The following SPTB variants were observed in gnomAD, a reference collection of about 807,000 sequenced individuals.
SPTB encodes spectrin beta, erythrocytic, also known as spectrin beta chain, erythrocytic.
SPTB carries 45 observed loss-of-function variants against 256.2 expected under a neutral mutation model. The ratio of observed to expected loss-of-function variants is 0.18; its 90% CI spans 0.14 to 0.23. The LOEUF is 0.23. Among genes scored for constraint, SPTB ranks in the 10% least tolerant of loss-of-function variants. The probability of loss-of-function intolerance (pLI) is 1.00; values close to 1 mark genes in which losing one functional copy is unlikely to be tolerated. For synonymous variants in SPTB, 1,231 were observed against 1,243.1 expected, an observed-to-expected ratio of 0.99 and a Z score of 0.21; for missense variants, 2,715 against 3,040.4, an observed-to-expected ratio of 0.89 and a Z score of 2.52.
Position 64,777,249 on chromosome 14 carries a change from G to A in SPTB, c.4564-1846C>T, listed in dbSNP as rs2082375609. 6.6e-6 allele frequency among the ~76,000 whole-genome samples: 1 copy of A among 152,172 alleles called. No individual in the cohort carries two copies. Among genetic ancestry groups the A allele is most frequent in the African/African-American group, 2.4e-5 (1 of 41,428 alleles). ...CTGGGACCGTCTGAGGCCACAGAGA[G>A]GGCCAGAAGAGCTGGAATACTGTGA... is the stretch of plus-strand genomic sequence containing the variant. On this transcript the variant is annotated intron_variant, in intron 22 of 35. Transcript: ENST00000644917. This position sits in a 1 kb window ranked among gnomAD's most constrained non-coding sequence, Gnocchi z 4.5.
At chr14:64,822,894 T>C in intron 2 of SPTB, 53 bp downstream of exon 2, 1 of 1,610,922 alleles carries the variant, frequency 6.2e-7, no homozygotes, top group Non-Finnish European at 8.5e-7. Context: ...GGGAGGGCTG[T>C]GAACCTTGTG....
chr14:64,802,000 A>G lies in SPTB; in HGVS notation c.567-166T>C, dbSNP rs45617438. Among the ~76,000 whole-genome samples the G allele has an allele frequency of 0.068, 10,417 of 152,302 alleles. 482 individuals are homozygous for G. The highest frequency in any genetic ancestry group is 0.2 in the East Asian group (1,019 of 5,180). On this transcript the variant is annotated intron_variant, in intron 5 of 35. Transcript: ENST00000644917. ...AACCACACACAGAGGCTCCCCCATC[A>G]GATGTGAACACCACACAGACCCCCC...
At chr14:64,819,550 A>G (rs1404259194) in intron 2 of SPTB, among the ~76,000 whole-genome samples, 1 of 152,146 alleles carries the variant, frequency 6.6e-6, no homozygotes, top group Admixed American at 6.5e-5. Flanking sequence ...GGAGAGAGAG[A>G]GACCTGCATG....
chr14:64,855,921 G>A (rs772399159), intron 1 of SPTB, among the ~76,000 whole-genome samples: 8 of 152,170 alleles, frequency 5.3e-5, no homozygotes, highest in Non-Finnish European at 1.2e-4. Context: ...CACCTGCTCA[G>A]TGCCACTGAG....
At chr14:64,763,180 C>A (rs1477658170) in intron 32 of SPTB, among the ~76,000 whole-genome samples, 1 of 152,238 alleles carries the variant, frequency 6.6e-6, no homozygotes, top group Non-Finnish European at 1.5e-5. Flanking sequence ...TTCTGAGGCA[C>A]CCAGAGCCTG....
At chr14:64,843,073 A>G (rs566148625) in intron 1 of SPTB, among the ~76,000 whole-genome samples, 10 of 152,226 alleles carry the variant, frequency 6.6e-5, no homozygotes, top group East Asian at 1.9e-4. Context: ...TCAAAAAAAA[A>G]GGGGGAGGGA....
At chr14:64,836,947 C>T (rs535163165) in intron 1 of SPTB, among the ~76,000 whole-genome samples, 2 of 152,298 alleles carry the variant, frequency 1.3e-5, no homozygotes, top group African/African-American at 4.8e-5. Flanking sequence ...CCAAACCAGG[C>T]CAATGGGTGA....
rs1446578272 is a variant in SPTB at position 64,866,106 on chromosome 14, TTCAC to T, written c.-52+13682_-52+13685del. On this transcript the variant is annotated intron_variant, in intron 1 of 35. Coordinates refer to ENST00000644917, the MANE Select transcript of SPTB (RefSeq NM_001355436.2). The surrounding 1 kb of genome is among the most constrained non-coding windows in gnomAD (Gnocchi z 4.6). ...AACATCTATGAAATGAATAAGACTG[TTCAC>T]TCAAAGAGCATGCAGTGAGGCCACT... Among the ~76,000 whole-genome samples the T allele has an allele frequency of 1.3e-5, 2 of 152,162 alleles. No homozygotes were observed. Among genetic ancestry groups the T allele is most frequent in the Non-Finnish European group, 2.9e-5 (2 of 68,028 alleles).
chr14:64,763,966 G>T, intron 32 of SPTB: 1 of 493,642 alleles, frequency 2.0e-6, no homozygotes. Flanking sequence ...CCAGACAGGA[G>T]CAGGGGTGCC....
At position 64,786,942 on chromosome 14, in the gene SPTB, T is replaced by C; in HGVS notation, c.3023A>G (p.Gln1008Arg). 2 of 1,613,776 alleles carry C rather than the reference T, an allele frequency of 1.2e-6. No individual in the cohort carries two copies. The highest frequency in any genetic ancestry group is 1.7e-6 in the Non-Finnish European group (2 of 1,180,024). Residue 1008 changes from glutamine to arginine, a missense_variant, in exon 16 of 36, where the codon CAG becomes CGG. Transcript: ENST00000644917. The surrounding 1 kb of genome is among the most constrained non-coding windows in gnomAD (Gnocchi z 5.6). ...ACGCTCCAGGGCATCCACACGGGCC[T>C]GGATGGCGGCCACGTCACGCTCCAG... Reference protein sequence around the residue: ...SGLERDVAAIQARVDALERES... With the variant: ...SGLERDVAAIRARVDALERES...
chr14:64,749,374 C>A lies in SPTB; in HGVS notation c.6919G>T (p.Gly2307Cys). The A allele has an allele frequency of 6.2e-7, 1 of 1,610,348 alleles. No homozygotes were observed. ...AQSLPLPSLS[G>C]PDASLGKKDK... ...TTCTTGCCGAGGCTGGCGTCGGGGC[C>A]GGAGAGGGAAGGCAGGGGCAGGCTC... The change falls in exon 36 of 36, where the codon GGC (glycine) becomes TGC (cysteine). Residue 2307 changes from glycine (G) to cysteine (C), a missense_variant. Gly to Cys is a radical substitution (Grantham distance 159). Around this residue, in one of 4 missense-constraint regions of SPTB, gnomAD observed 2,239 missense variants for 2,384.4 expected, o/e 0.94. Coordinates refer to ENST00000644917, the MANE Select transcript of SPTB (RefSeq NM_001355436.2). This position sits in a 1 kb window ranked among gnomAD's most constrained non-coding sequence, Gnocchi z 4.7.
At chr14:64,831,255 G>C (rs2083447316) in intron 1 of SPTB, among the ~76,000 whole-genome samples, 1 of 152,146 alleles carries the variant, frequency 6.6e-6, no homozygotes, top group Admixed American at 6.5e-5. Flanking sequence ...CTCAAATCCT[G>C]GGAGAAACAT....
In SPTB at chr14:64,764,363, G is replaced by A. The variant is rs1297700217; in HGVS notation, c.6345+2363C>T. Among the ~76,000 whole-genome samples, 1 of 152,226 alleles carries A rather than the reference G, an allele frequency of 6.6e-6. No homozygotes were observed. The highest frequency in any genetic ancestry group is 1.9e-4 in the East Asian group (1 of 5,192). ...GGATCCCCATGAGAACTTAACAAAA[G>A]GCTCAGAAGGGAGCAGCAGCAGGAA... On this transcript the variant is annotated intron_variant, in intron 32 of 35. Coordinates refer to ENST00000644917, the MANE Select transcript of SPTB (RefSeq NM_001355436.2). This position sits in a 1 kb window ranked among gnomAD's most constrained non-coding sequence, Gnocchi z 4.2.
rs557542154 is a variant in SPTB, at chr14:64,805,493, C to A, written c.149-403G>T. ...CTCTCAACCCCTCCACTCTACCCCA[C>A]CTCCTTCACTTAACACTAATTCATC... On this transcript the variant is annotated intron_variant, in intron 2 of 35. Transcript: ENST00000644917. 3.9e-5 allele frequency among the ~76,000 whole-genome samples: 6 copies of A among 152,304 alleles called. No homozygotes were observed. The South Asian group carries it at 1.2e-3, about 32-fold the overall frequency.
Position 64,779,955 on chromosome 14 carries a change from A to G in SPTB, c.4267-24T>C, listed in dbSNP as rs749075431. 1 of 1,606,564 alleles carries G rather than the reference A, an allele frequency of 6.2e-7. No homozygotes were observed. Among genetic ancestry groups the G allele is most frequent in the Non-Finnish European group, 8.5e-7 (1 of 1,173,484 alleles). On this transcript the variant is annotated intron_variant, in intron 20 of 35. Transcript: ENST00000644917. This position sits in a 1 kb window ranked among gnomAD's most constrained non-coding sequence, Gnocchi z 4.2. ...CGCTGAGACACAAGGGGACGGTGTC[A>G]GCACCAGCCTTGGCACCTGCACAGC...
intron 15 of SPTB, among the ~76,000 whole-genome samples, chr14:64,788,438 G>A (rs2082611912): frequency 6.6e-6 from 1 of 152,178 alleles, no homozygotes; most frequent in Non-Finnish European, 1.5e-5. Context: ...GGAGAGACCA[G>A]GGATACGAGA....
chr14:64,832,763 C>T (rs2083468308), intron 1 of SPTB, among the ~76,000 whole-genome samples: 1 of 152,182 alleles, frequency 6.6e-6, no homozygotes, highest in Non-Finnish European at 1.5e-5. Flanking sequence ...CCCTTCTTCC[C>T]TCTCATCACA....
chr14:64,791,567 A>T, intron 15 of SPTB, 152 bp downstream of exon 15: 2 of 165,896 alleles, frequency 1.2e-5, no homozygotes, highest in Non-Finnish European at 2.1e-5. Flanking sequence ...TTCTGTGTCA[A>T]AAAAAAAAAA....
chr14:64,872,480 C>T (rs1882588120), intron 1 of SPTB, among the ~76,000 whole-genome samples: 1 of 152,242 alleles, frequency 6.6e-6, no homozygotes, highest in Middle Eastern at 3.2e-3. Flanking sequence ...CCCCTGCCCA[C>T]AACTTCCAGT....
Sources: allele counts gnomAD v4.1 joint callset (sites outside exome capture counted in the v4.1 genomes callset), GRCh38; gene constraint gnomAD v4.1.1; regional missense constraint gnomAD v4.1.1; non-coding constraint Gnocchi (gnomAD v3.1); transcripts MANE v1.5; gene names NCBI Gene and HGNC (gene_info 2026-07-23, HGNC 2026-07-21).